The following PID1 variants were observed in gnomAD, a reference collection of about 807,000 sequenced individuals.
PID1 encodes the protein PTB-containing, cubilin and LRP1-interacting protein.
In PID1, 10 loss-of-function variants were observed where a neutral mutation model predicts 19.1. The ratio of observed to expected loss-of-function variants is 0.52; its 90% CI spans 0.32 to 0.89. PID1 has a LOEUF of 0.89. Among genes scored for constraint, PID1 ranks in the 40% least tolerant of loss-of-function variants. PID1 has a pLI of 0.03. For synonymous variants in PID1, 130 were observed against 116.0 expected (o/e 1.12, Z -0.78); for missense variants, 248 against 285.3 (o/e 0.87, Z 0.94).
intron 2 of PID1, among the ~76,000 whole-genome samples, chr2:229,122,130 G>A (rs1433318296): frequency 6.6e-6 from 1 of 152,092 alleles, no homozygotes; most frequent in African/African-American, 2.4e-5. Flanking sequence ...ATAGTTTACA[G>A]AAAATCCTGG....
intron 2 of PID1, among the ~76,000 whole-genome samples, chr2:229,142,104 C>T (rs2106181632): frequency 6.6e-6 from 1 of 152,176 alleles, no homozygotes; most frequent in East Asian, 1.9e-4. Flanking sequence ...TTATTTGTTA[C>T]CATTTTCTCT....
intron 2 of PID1, among the ~76,000 whole-genome samples, chr2:229,080,569 C>G (rs1314698385): frequency 6.6e-6 from 1 of 152,174 alleles, no homozygotes; most frequent in Non-Finnish European, 1.5e-5. Flanking sequence ...CTCATATATG[C>G]ACCAATTAGA....
intron 1 of PID1, among the ~76,000 whole-genome samples, chr2:229,176,363 C>T (rs149744516): frequency 4.4e-4 from 67 of 152,280 alleles, no homozygotes; most frequent in African/African-American, 1.4e-3. Context: ...GCTGACTTTG[C>T]CCAGGGGGCA....
chr2:229,049,978 C>T (rs1228092708), intron 2 of PID1, among the ~76,000 whole-genome samples: 1 of 152,108 alleles, frequency 6.6e-6, no homozygotes, highest in Non-Finnish European at 1.5e-5. Context: ...TCTACATGTA[C>T]ACACCTACGT....
intron 2 of PID1, among the ~76,000 whole-genome samples, chr2:229,059,232 A>T (rs1004167487): frequency 1.3e-4 from 20 of 152,198 alleles, no homozygotes; most frequent in African/African-American, 4.6e-4. Flanking sequence ...AAGTTGTACT[A>T]TACATTTTTA....
intron 1 of PID1, among the ~76,000 whole-genome samples, chr2:229,224,608 T>C (rs1692039384): frequency 6.6e-6 from 1 of 152,198 alleles, no homozygotes; most frequent in Non-Finnish European, 1.5e-5. Flanking sequence ...TTCACTTCTT[T>C]TACAATGGAC....
chr2:229,094,601 G>C (rs1302281067), intron 2 of PID1, among the ~76,000 whole-genome samples: 8 of 151,968 alleles, frequency 5.3e-5, no homozygotes, highest in Non-Finnish European at 1.2e-4. Flanking sequence ...ACACAAACAA[G>C]TGGAAGACAA....
At chr2:229,151,284 TG>T (rs1319660593) in intron 2 of PID1, among the ~76,000 whole-genome samples, 1 of 151,724 alleles carries the variant, frequency 6.6e-6, no homozygotes, top group Non-Finnish European at 1.5e-5. Flanking sequence ...TGGAATCCGG[TG>T]GGGGGGAGCA....
chr2:229,116,221 T>C (rs1172526888), intron 2 of PID1, among the ~76,000 whole-genome samples: 1 of 152,142 alleles, frequency 6.6e-6, no homozygotes, highest in Non-Finnish European at 1.5e-5. Context: ...AGCGAGACTC[T>C]GTCTCAAAAT....
intron 2 of PID1, among the ~76,000 whole-genome samples, chr2:229,154,539 G>A (rs992482981): frequency 2.6e-5 from 4 of 152,102 alleles, no homozygotes; most frequent in Non-Finnish European, 4.4e-5. Flanking sequence ...ACACTATGCC[G>A]GTCAGACAGT....
chr2:229,036,339 T>G (rs1337766143), intron 2 of PID1, among the ~76,000 whole-genome samples: 1 of 152,212 alleles, frequency 6.6e-6, no homozygotes, highest in Non-Finnish European at 1.5e-5. Flanking sequence ...CTCAGGAAGC[T>G]CATATGACTC....
chr2:229,142,092 TC>T (rs1239576795), intron 2 of PID1, among the ~76,000 whole-genome samples: 1 of 152,116 alleles, frequency 6.6e-6, no homozygotes, highest in Non-Finnish European at 1.5e-5. Flanking sequence ...TTTGGTCATA[TC>T]TTATTTGTTA....
intron 2 of PID1, among the ~76,000 whole-genome samples, chr2:229,041,039 G>A (rs1482157490): frequency 6.6e-6 from 1 of 152,088 alleles, no homozygotes; most frequent in Non-Finnish European, 1.5e-5. Flanking sequence ...CAATATACAG[G>A]TGAGTTTGTG....
At chr2:229,144,110 G>C (rs1690075731) in intron 2 of PID1, among the ~76,000 whole-genome samples, 1 of 152,112 alleles carries the variant, frequency 6.6e-6, no homozygotes, top group South Asian at 2.1e-4. Flanking sequence ...TCTATACCCA[G>C]CCAAAAGGTG....
At chr2:229,056,404 C>A (rs1694101238) in intron 2 of PID1, among the ~76,000 whole-genome samples, 1 of 152,220 alleles carries the variant, frequency 6.6e-6, no homozygotes, top group South Asian at 2.1e-4. Context: ...ACACTACCGA[C>A]TTGCCTTTGA....
intron 1 of PID1, among the ~76,000 whole-genome samples, chr2:229,215,148 C>T (rs2106253061): frequency 6.6e-6 from 1 of 152,322 alleles, no homozygotes; most frequent in South Asian, 2.1e-4. Context: ...TTTTTAACTG[C>T]TACTTGCCTG....
chr2:229,135,088 A>G (rs1689832667), intron 2 of PID1, among the ~76,000 whole-genome samples: 1 of 152,166 alleles, frequency 6.6e-6, no homozygotes. Context: ...GGAGGGAAAG[A>G]TGTGAGAAAG....
intron 1 of PID1, among the ~76,000 whole-genome samples, chr2:229,253,035 A>G (rs1361617320): frequency 6.6e-6 from 1 of 152,176 alleles, no homozygotes; most frequent in African/African-American, 2.4e-5. Flanking sequence ...TATATTCTCT[A>G]CCCAGAAGGT....
chr2:229,094,912 A>G (rs1379953457), intron 2 of PID1, among the ~76,000 whole-genome samples: 1 of 152,222 alleles, frequency 6.6e-6, no homozygotes, highest in Non-Finnish European at 1.5e-5. Context: ...GATTTTAGTG[A>G]GGACACAATT....
Sources: allele counts gnomAD v4.1 joint callset (sites outside exome capture counted in the v4.1 genomes callset), GRCh38; gene constraint gnomAD v4.1.1; transcripts MANE v1.5; gene names NCBI Gene and HGNC (gene_info 2026-07-23, HGNC 2026-07-21).